Variants in CLMN observed in about 807,000 individuals in gnomAD.
The protein encoded by CLMN is calmin (calponin-like, transmembrane).
Under a neutral mutation model 92.7 loss-of-function variants are expected in CLMN, and 57 were observed. The observed-to-expected ratio is 0.61, with a 90% CI of 0.50 to 0.77. The LOEUF (loss-of-function observed/expected upper bound fraction) is 0.77. CLMN is among the 30% of genes least tolerant of loss of function. The pLI, the probability that CLMN is intolerant of heterozygous loss-of-function variation, is 0.00. For synonymous variants in CLMN, 466 were observed against 470.6 expected (o/e 0.99, Z 0.13); for missense variants, 1,158 against 1,237.5 (o/e 0.94, Z 0.96).
At chr14:95,245,287 T>TATATATATATA (rs1898502477) in intron 1 of CLMN, among the ~76,000 whole-genome samples, 15 of 74,778 alleles carry the variant, frequency 2.0e-4, no homozygotes, top group African/African-American at 1.0e-3. Flanking sequence ...TATATAGTTT[T>TATATATATATA]GTTTTGTTTT....
At chr14:95,195,031 C>A (rs1452095750) in intron 10 of CLMN, among the ~76,000 whole-genome samples, 1 of 152,158 alleles carries the variant, frequency 6.6e-6, no homozygotes, top group African/African-American at 2.4e-5. Flanking sequence ...GGAATGCTTG[C>A]CTCGCACTTT....
chr14:95,292,921 A>G (rs1900633364), intron 1 of CLMN, among the ~76,000 whole-genome samples: 1 of 152,160 alleles, frequency 6.6e-6, no homozygotes, highest in Admixed American at 6.5e-5. Flanking sequence ...CACAAACATG[A>G]TCATCCAGGG....
At chr14:95,279,814 T>C (rs1900076371) in intron 1 of CLMN, among the ~76,000 whole-genome samples, 1 of 152,160 alleles carries the variant, frequency 6.6e-6, no homozygotes, top group Non-Finnish European at 1.5e-5. Context: ...CAAAAATCAC[T>C]TACTTACTGG....
In CLMN at chr14:95,293,667, C is replaced by T. The variant is rs530707442; in HGVS notation, c.82+26044G>A. Among the ~76,000 whole-genome samples, 6 of 151,806 alleles carry T rather than the reference C, an allele frequency of 4.0e-5. No homozygotes were observed. The South Asian group carries it at 1.0e-3, about 26-fold the overall frequency. On this transcript the variant is annotated intron_variant, in intron 1 of 12. Transcript: ENST00000298912. ...GGCAGAGACATGTGGGTGTACTGCGCCCCCTGTCTCCCACCCACCCCCGCC... is the reference window on the plus strand; with the variant it reads ...GGCAGAGACATGTGGGTGTACTGCGTCCCCTGTCTCCCACCCACCCCCGCC...
chr14:95,245,184 A>AT (rs1205118083), intron 1 of CLMN, among the ~76,000 whole-genome samples: 3 of 42,568 alleles, frequency 7.0e-5, no homozygotes, highest in Non-Finnish European at 1.1e-4. Flanking sequence ...TTATATATAT[A>AT]TATATATATA....
At position 95,299,560 on chromosome 14, in the gene CLMN, A is replaced by AGGTT. The variant is rs1566921486; in HGVS notation, c.82+20150_82+20151insAACC. 2.6e-5 allele frequency among the ~76,000 whole-genome samples: 4 copies of AGGTT among 152,306 alleles called. No individual in the cohort carries two copies. The East Asian group carries it at 7.7e-4, about 29-fold the overall frequency. On this transcript the variant is annotated intron_variant, in intron 1 of 12. Coordinates refer to ENST00000298912, the MANE Select transcript of CLMN (RefSeq NM_024734.4). ...AGGACTCACAATGCAGTGGGGAGAC[A>AGGTT]GCAACCTGTCCACGCCCACTAGGAA... is the stretch of plus-strand genomic sequence containing the variant.
chr14:95,214,218 C>G (rs1024403194), intron 5 of CLMN, among the ~76,000 whole-genome samples: 1 of 152,088 alleles, frequency 6.6e-6, no homozygotes, highest in Non-Finnish European at 1.5e-5. Context: ...AAATGAAGCC[C>G]TACGGTGGTG....
chr14:95,245,205 A>AT (rs1898445879), intron 1 of CLMN, among the ~76,000 whole-genome samples: 2 of 23,826 alleles, frequency 8.4e-5, no homozygotes, highest in African/African-American at 5.0e-4. Context: ...ATATATATAT[A>AT]TATTATATAT....
intron 1 of CLMN, among the ~76,000 whole-genome samples, chr14:95,290,952 G>A (rs1036214206): frequency 6.6e-6 from 1 of 152,186 alleles, no homozygotes; most frequent in East Asian, 1.9e-4. Flanking sequence ...TCCTGTGCTT[G>A]CAGCAGAGAT....
intron 1 of CLMN, among the ~76,000 whole-genome samples, chr14:95,274,887 G>A (rs936928025): frequency 6.6e-6 from 1 of 151,194 alleles, no homozygotes; most frequent in Non-Finnish European, 1.5e-5. Context: ...ACTGAAGCAG[G>A]AGAATCGCTT....
At chr14:95,267,572 T>C (rs1595077346) in intron 1 of CLMN, among the ~76,000 whole-genome samples, 2 of 152,162 alleles carry the variant, frequency 1.3e-5, no homozygotes, top group Admixed American at 1.3e-4. Context: ...GGAGCCCTCA[T>C]ACACTGTTGC....
intron 1 of CLMN, among the ~76,000 whole-genome samples, chr14:95,257,115 C>T (rs896680192): frequency 1.3e-5 from 2 of 152,184 alleles, no homozygotes; most frequent in African/African-American, 4.8e-5. Context: ...GGCCCATTAT[C>T]CATAAAGCTT....
Position 95,259,872 on chromosome 14 carries a change from C to T in CLMN, c.83-29739G>A, listed in dbSNP as rs139489124. ...ACCCACCTGGACGGCTATTCCCTTG[C>T]GCTTGGTGGCTCCTGAATATGCCTG... On this transcript the variant is annotated intron_variant, in intron 1 of 12. Coordinates refer to ENST00000298912, the MANE Select transcript of CLMN (RefSeq NM_024734.4). This position sits in a 1 kb window ranked among gnomAD's most constrained non-coding sequence, Gnocchi z 4.3. 2.6e-5 allele frequency among the ~76,000 whole-genome samples: 4 copies of T among 152,312 alleles called. No individual in the cohort carries two copies. The highest frequency in any genetic ancestry group is 3.9e-4 in the East Asian group (2 of 5,178).
chr14:95,289,960 T>C (rs1332068384), intron 1 of CLMN, among the ~76,000 whole-genome samples: 1 of 152,194 alleles, frequency 6.6e-6, no homozygotes, highest in Non-Finnish European at 1.5e-5. Context: ...TTTAAAGACA[T>C]GCAAGAATCA....
rs74424352 is a variant in CLMN at position 95,261,173 on chromosome 14, G to T, written c.83-31040C>A. ...GGCTGTTTTAAACGGCAAGATCACC[G>T]AGAGAAAGCACACAAATGCAAAAAA... On this transcript the variant is annotated intron_variant, in intron 1 of 12. Coordinates refer to ENST00000298912, the MANE Select transcript of CLMN (RefSeq NM_024734.4). Among the ~76,000 whole-genome samples the T allele has an allele frequency of 5.6e-5, 8 of 143,278 alleles. No individual in the cohort carries two copies. The East Asian group carries it at 1.2e-3, about 22-fold the overall frequency. The allele number at this position is 143,278 out of a possible 152,430, so 94.0% of individuals were successfully genotyped here.
chr14:95,312,122 A>G (rs956361243), intron 1 of CLMN, among the ~76,000 whole-genome samples: 2 of 151,828 alleles, frequency 1.3e-5, no homozygotes, highest in African/African-American at 4.8e-5. Context: ...TGTCCCCCTC[A>G]AGACTGGACT....
chr14:95,216,485 T>C (rs1289762057), intron 4 of CLMN, among the ~76,000 whole-genome samples: 1 of 152,206 alleles, frequency 6.6e-6, no homozygotes, highest in Non-Finnish European at 1.5e-5. Flanking sequence ...AAGGCTTCAG[T>C]CATTCTTTTC....
intron 4 of CLMN, among the ~76,000 whole-genome samples, chr14:95,216,031 T>C (rs1304412608): frequency 2.6e-5 from 4 of 152,214 alleles, no homozygotes; most frequent in African/African-American, 9.7e-5. Context: ...TGTAGGTGTA[T>C]TAGTCCGTTC....
At chr14:95,268,205 T>C (rs1300956571) in intron 1 of CLMN, among the ~76,000 whole-genome samples, 1 of 152,176 alleles carries the variant, frequency 6.6e-6, no homozygotes, top group Non-Finnish European at 1.5e-5. Flanking sequence ...TTTGAGGTGA[T>C]GGATACCCCA....
Sources: gnomAD v4.1 joint callset for allele counts (sites outside exome capture counted in the v4.1 genomes callset) on GRCh38, gnomAD v4.1.1 for gene constraint, Gnocchi (gnomAD v3.1) non-coding constraint, MANE v1.5 for transcripts, NCBI Gene and HGNC (gene_info 2026-07-23, HGNC 2026-07-21) for gene names.